Variants in COL4A4 observed in about 807,000 individuals in gnomAD.
COL4A4 encodes the protein collagen alpha-4(IV) chain.
Under a neutral mutation model 192.9 loss-of-function variants are expected in COL4A4, and 105 were observed. The observed-to-expected ratio is 0.54, with a 90% CI of 0.46 to 0.64. The LOEUF (loss-of-function observed/expected upper bound fraction) is 0.64. COL4A4 is among the 30% of genes least tolerant of loss of function. The pLI is 0.00. For synonymous variants in COL4A4, 762 were observed against 769.9 expected (o/e 0.99, Z 0.17); for missense variants, 1,967 against 2,169.3 (o/e 0.91, Z 1.85).
In COL4A4 at chr2:227,003,528, G is replaced by A. The variant is rs1437594553; in HGVS notation, c.*3797C>T. 3 of 152,176 alleles carry A rather than the reference G, an allele frequency of 2.0e-5. No homozygotes were observed. Among genetic ancestry groups the A allele is most frequent in the Non-Finnish European group, 4.4e-5 (3 of 68,034 alleles). 9.4% of individuals were successfully genotyped at this position (152,176 alleles called of 1,614,324 possible). ...AAGTAACAATTATCAGATTATTCCA[G>A]TGAGCTGATAGAAACACAGATCTAA... On this transcript the variant is annotated 3_prime_UTR_variant, in exon 48 of 48. Transcript: ENST00000396625.
chr2:227,063,961 A>G (rs539006275), intron 25 of COL4A4, among the ~76,000 whole-genome samples: 5 of 152,214 alleles, frequency 3.3e-5, no homozygotes, highest in African/African-American at 1.2e-4. Context: ...ATTTACTTTA[A>G]ATATTGTGTT....
Position 227,134,858 on chromosome 2 carries a change from T to G in COL4A4, c.192+5303A>C, listed in dbSNP as rs148350122. On this transcript the variant is annotated intron_variant, in intron 4 of 47. Transcript: ENST00000396625. ...GTAAAACCACCACATCATAAGGTTTTGTTAATTTTGCAATTGTTATACTCC... is the reference window on the plus strand; with the variant it reads ...GTAAAACCACCACATCATAAGGTTTGGTTAATTTTGCAATTGTTATACTCC... 1.9e-3 allele frequency among the ~76,000 whole-genome samples: 296 copies of G among 152,364 alleles called. 3 individuals are homozygous for G. Among genetic ancestry groups the G allele is most frequent in the African/African-American group, 6.2e-3 (256 of 41,594 alleles).
chr2:227,062,251 AAC>A (rs1458564024), intron 26 of COL4A4, among the ~76,000 whole-genome samples: 2 of 143,336 alleles, frequency 1.4e-5, no homozygotes, highest in Non-Finnish European at 3.1e-5. Context: ...AAAAAAAAAA[AAC>A]TTTCAAGGGA....
chr2:227,128,864 T>C (rs2062246464), intron 4 of COL4A4, among the ~76,000 whole-genome samples: 1 of 152,104 alleles, frequency 6.6e-6, no homozygotes, highest in Non-Finnish European at 1.5e-5. Flanking sequence ...CTGGTGTCAT[T>C]GCTTTCACCA....
intron 22 of COL4A4, among the ~76,000 whole-genome samples, chr2:227,085,453 C>T (rs1204018903): frequency 6.6e-6 from 1 of 152,212 alleles, no homozygotes; most frequent in Non-Finnish European, 1.5e-5. Context: ...TATTAGTCCA[C>T]TTTTGCTTCG....
At chr2:227,108,967 C>G (rs1452139583) in intron 10 of COL4A4, 99 bp from the exon 11 acceptor site, 1 of 1,225,918 alleles carries the variant, frequency 8.2e-7, no homozygotes, top group Non-Finnish European at 1.2e-6. Context: ...TTTAGGAAAC[C>G]CTTAATTTTA....
chr2:227,079,429 G>A (rs949188769), intron 24 of COL4A4, among the ~76,000 whole-genome samples: 1 of 152,212 alleles, frequency 6.6e-6, no homozygotes, highest in African/African-American at 2.4e-5. Context: ...AGATTACCAA[G>A]CCTAAAGCAG....
At chr2:227,087,770 C>T (rs2059682595) in intron 22 of COL4A4, among the ~76,000 whole-genome samples, 1 of 152,190 alleles carries the variant, frequency 6.6e-6, no homozygotes, top group Admixed American at 6.5e-5. Context: ...CTTCTTAAAA[C>T]TCTCCCCTGG....
At chr2:227,117,817 C>T (rs547758956) in intron 7 of COL4A4, among the ~76,000 whole-genome samples, 49 of 151,458 alleles carry the variant, frequency 3.2e-4, no homozygotes, top group African/African-American at 1.1e-3. Flanking sequence ...AGCTAAGAGC[C>T]GTAAGTTTTC....
intron 9 of COL4A4, chr2:227,109,496 C>G (rs1305664888): frequency 1.4e-6 from 1 of 691,408 alleles, no homozygotes; most frequent in East Asian, 2.8e-5. Context: ...CACCTGTAAT[C>G]CCAGCACTTT....
intron 47 of COL4A4, 150 bp from the exon 48 acceptor site, chr2:227,007,738 T>TACTC (rs1962474195): frequency 1.0e-5 from 12 of 1,152,212 alleles, no homozygotes; most frequent in Non-Finnish European, 1.3e-5. Flanking sequence ...AAAGGAGTCG[T>TACTC]ACTCAGCATG....
At chr2:227,018,871 A>C (rs982238546) in intron 44 of COL4A4, among the ~76,000 whole-genome samples, 1 of 152,238 alleles carries the variant, frequency 6.6e-6, no homozygotes, top group African/African-American at 2.4e-5. Flanking sequence ...CCTGGGCCAC[A>C]TAAGCACTAG....
intron 25 of COL4A4, among the ~76,000 whole-genome samples, chr2:227,076,934 A>G (rs1257588062): frequency 6.6e-6 from 1 of 152,234 alleles, no homozygotes; most frequent in Non-Finnish European, 1.5e-5. Context: ...CAAAACCACA[A>G]TGAGATACCA....
At chr2:227,147,735 T>C (rs2063640725) in intron 1 of COL4A4, among the ~76,000 whole-genome samples, 151 bp from the exon 2 acceptor site, 1 of 151,794 alleles carries the variant, frequency 6.6e-6, no homozygotes. Flanking sequence ...AATATCAGTT[T>C]TTATCTTCAG....
At chr2:227,061,497 C>T (rs1977039975) in intron 26 of COL4A4, among the ~76,000 whole-genome samples, 1 of 152,212 alleles carries the variant, frequency 6.6e-6, no homozygotes, top group Non-Finnish European at 1.5e-5. Context: ...CCAAACCTAA[C>T]TTGGAGCTAC....
rs1971244001 is a variant in COL4A4 at position 227,041,838 on chromosome 2, A to AAGAAAGAAAGAAAG, written c.3505+309_3505+310insCTTTCTTTCTTTCT. Among the ~76,000 whole-genome samples, 17 of 41,620 alleles carry AAGAAAGAAAGAAAG rather than the reference A, an allele frequency of 4.1e-4. 2 individuals are homozygous for AAGAAAGAAAGAAAG. Among genetic ancestry groups the AAGAAAGAAAGAAAG allele is most frequent in the East Asian group, 1.4e-3 (2 of 1,478 alleles). 27.3% of individuals were successfully genotyped at this position (41,620 alleles called of 152,430 possible). On this transcript the variant is annotated intron_variant, in intron 37 of 47. Transcript: ENST00000396625. Reference sequence around the variant, plus strand: ...AAAGAAAGAAAGAAAGAAAGAAAGAAAGAAAGAAAGAGAAAGAAAGAAAGA... The same window carrying AAGAAAGAAAGAAAG: ...AAAGAAAGAAAGAAAGAAAGAAAGAAAGAAAGAAAGAAAGAGAAAGAAAGAGAAAGAAAGAAAGA...
At chr2:227,144,488 C>T (rs764677305) in intron 3 of COL4A4, 28 bp downstream of exon 3, 74 of 1,590,862 alleles carry the variant, frequency 4.7e-5, no homozygotes, top group East Asian at 6.7e-5. Context: ...ATTTTCACAA[C>T]GCAACCAGAG....
chr2:227,035,007 C>A (rs1289435267), intron 37 of COL4A4, among the ~76,000 whole-genome samples: 2 of 151,804 alleles, frequency 1.3e-5, no homozygotes, highest in Non-Finnish European at 2.9e-5. Flanking sequence ...GATAAAAATA[C>A]CATCAGCTTA....
chr2:227,001,230 G>A (rs540328214), downstream of COL4A4, among the ~76,000 whole-genome samples: 2 of 152,154 alleles, frequency 1.3e-5, no homozygotes, highest in East Asian at 3.9e-4. Flanking sequence ...AAGTAGCTGG[G>A]ACTACAGGTG....
Sources: allele counts gnomAD v4.1 joint callset (sites outside exome capture counted in the v4.1 genomes callset), GRCh38; gene constraint gnomAD v4.1.1; transcripts MANE v1.5; gene names NCBI Gene and HGNC (gene_info 2026-07-23, HGNC 2026-07-21).